Variants in TMEM178A observed in about 807,000 individuals in gnomAD.
TMEM178A encodes transmembrane protein 178A.
In TMEM178A, 12 loss-of-function variants were observed where a neutral mutation model predicts 29.1. The observed-to-expected ratio is 0.41, with a 90% CI of 0.26 to 0.67. The LOEUF (loss-of-function observed/expected upper bound fraction) is 0.67. TMEM178A is among the 30% of genes least tolerant of loss of function. TMEM178A has a pLI of 0.29. For synonymous variants in TMEM178A, 210 were observed against 187.2 expected (o/e 1.12, Z -0.99); for missense variants, 366 against 419.1 (o/e 0.87, Z 1.11).
chr2:39,723,650 G>T, the TMEM178A span, among the ~76,000 whole-genome samples: 1 of 152,178 alleles, frequency 6.6e-6, no homozygotes, highest in Admixed American at 6.5e-5. Flanking sequence ...GACTGTGTCA[G>T]GCTGTGTCCT....
At chr2:39,722,878 G>C (rs555769720), downstream of TMEM178A, among the ~76,000 whole-genome samples, 1 of 152,310 alleles carries the variant, frequency 6.6e-6, no homozygotes, top group Non-Finnish European at 1.5e-5. Context: ...TGGATGAACT[G>C]TACCCTCAAG....
At chr2:39,681,338 G>T (rs1482422783) in intron 1 of TMEM178A, among the ~76,000 whole-genome samples, 1 of 152,216 alleles carries the variant, frequency 6.6e-6, no homozygotes, top group Admixed American at 6.5e-5. Flanking sequence ...AAGAGCCACA[G>T]TGTGACTTCC....
intron 1 of TMEM178A, among the ~76,000 whole-genome samples, chr2:39,680,859 T>C (rs576465362): frequency 1.9e-4 from 29 of 152,324 alleles, no homozygotes; most frequent in African/African-American, 6.3e-4. Context: ...AAGTCTATAA[T>C]TGTGCTTCAT....
At chr2:39,724,580 TTA>T in the TMEM178A span, among the ~76,000 whole-genome samples, 1 of 152,224 alleles carries the variant, frequency 6.6e-6, no homozygotes, top group Admixed American at 6.5e-5. Flanking sequence ...AATTTTTTTA[TTA>T]TATCTCAAGG....
In TMEM178A at chr2:39,717,880, C is replaced by T. The variant is rs1672615993; in HGVS notation, c.*629C>T. On this transcript the variant is annotated 3_prime_UTR_variant, in exon 4 of 4. Coordinates refer to ENST00000281961, the MANE Select transcript of TMEM178A (RefSeq NM_152390.3). ...TTAAGAGCTAACTCGTGACACTATG[C>T]AGTATTGTTTGAAGACCTGTTGTTC... is the stretch of plus-strand genomic sequence containing the variant. 6.6e-6 allele frequency: 1 copy of T among 152,438 alleles called. No individual in the cohort carries two copies. The highest frequency in any genetic ancestry group is 6.6e-5 in the Admixed American group (1 of 15,258). The allele number at this position is 152,438 out of a possible 1,614,324, so 9.4% of individuals were successfully genotyped here.
At chr2:39,690,190 T>TA (rs1295851259) in intron 1 of TMEM178A, among the ~76,000 whole-genome samples, 1 of 151,524 alleles carries the variant, frequency 6.6e-6, no homozygotes, top group Non-Finnish European at 1.5e-5. Context: ...CAGATCCTGT[T>TA]AACTGACGGT....
chr2:39,675,861 C>T (rs1350537492), intron 1 of TMEM178A, among the ~76,000 whole-genome samples: 1 of 152,132 alleles, frequency 6.6e-6, no homozygotes, highest in Non-Finnish European at 1.5e-5. Context: ...TTTGCTGCAG[C>T]CCCAAACTCC....
the TMEM178A span, among the ~76,000 whole-genome samples, chr2:39,724,388 G>C: frequency 6.6e-6 from 1 of 152,070 alleles, no homozygotes; most frequent in Non-Finnish European, 1.5e-5. Context: ...GTGTGGCCCT[G>C]CAAGAATGCT....
chr2:39,705,614 C>T (rs1365639495), intron 2 of TMEM178A, among the ~76,000 whole-genome samples: 3 of 152,158 alleles, frequency 2.0e-5, no homozygotes, highest in African/African-American at 7.2e-5. Flanking sequence ...AATTTGGATG[C>T]TCTGAGTGGG....
chr2:39,667,092 G>A (rs1248604946), intron 1 of TMEM178A, among the ~76,000 whole-genome samples: 1 of 152,208 alleles, frequency 6.6e-6, no homozygotes, highest in Non-Finnish European at 1.5e-5. Context: ...CCTTCCTGAG[G>A]ACCCCATACC....
At chr2:39,683,349 G>A (rs1021597352) in intron 1 of TMEM178A, among the ~76,000 whole-genome samples, 1 of 152,110 alleles carries the variant, frequency 6.6e-6, no homozygotes, top group Non-Finnish European at 1.5e-5. Flanking sequence ...ATACCACTGG[G>A]TTTCTCTAAG....
At chr2:39,699,521 A>G (rs1230214908) in intron 1 of TMEM178A, among the ~76,000 whole-genome samples, 2 of 151,532 alleles carry the variant, frequency 1.3e-5, no homozygotes, top group Non-Finnish European at 2.9e-5. Flanking sequence ...CAGTGGTGCA[A>G]TCTCAGCTCA....
intron 1 of TMEM178A, among the ~76,000 whole-genome samples, chr2:39,685,994 G>C (rs575302736): frequency 6.6e-6 from 1 of 152,348 alleles, no homozygotes; most frequent in South Asian, 2.1e-4. Flanking sequence ...TCCAGAAGCA[G>C]GGAGCGCTGA....
At chr2:39,701,479 T>A (rs1257038919) in intron 1 of TMEM178A, among the ~76,000 whole-genome samples, 1 of 152,168 alleles carries the variant, frequency 6.6e-6, no homozygotes, top group African/African-American at 2.4e-5. Flanking sequence ...TTCAGGATTC[T>A]CTGTCTTTGG....
chr2:39,732,203 C>T, the TMEM178A span, among the ~76,000 whole-genome samples: 2 of 152,140 alleles, frequency 1.3e-5, no homozygotes, highest in African/African-American at 4.8e-5. Flanking sequence ...TGTCTTTCAC[C>T]CTGAGTGGGG....
At chr2:39,698,925 C>G (rs1472646896) in intron 1 of TMEM178A, among the ~76,000 whole-genome samples, 1 of 151,648 alleles carries the variant, frequency 6.6e-6, no homozygotes, top group African/African-American at 2.4e-5. Flanking sequence ...GCCATTTTAT[C>G]TGTTTTATCT....
chr2:39,689,104 A>G (rs144738957), intron 1 of TMEM178A, among the ~76,000 whole-genome samples: 1 of 152,220 alleles, frequency 6.6e-6, no homozygotes, highest in Non-Finnish European at 1.5e-5. Flanking sequence ...GTTCATTTTC[A>G]TAAAGGAAAC....
At position 39,717,781 on chromosome 2, in the gene TMEM178A, G is replaced by GTT. The variant is rs34580359; in HGVS notation, c.*542_*543dup. On this transcript the variant is annotated 3_prime_UTR_variant, in exon 4 of 4. Transcript: ENST00000281961. ...AAGATTCTTCTTCTGTTGCCTTATT[G>GTT]TTTTTTTTTTTTTAAGTCTCTTCTC... The GTT allele has an allele frequency of 4.3e-5, 6 of 140,716 alleles. No homozygotes were observed. The highest frequency in any genetic ancestry group is 1.0e-4 in the African/African-American group (4 of 38,344). The allele number at this position is 140,716 out of a possible 1,614,324, so 8.7% of individuals were successfully genotyped here.
At chr2:39,673,501 C>G (rs192170784) in intron 1 of TMEM178A, among the ~76,000 whole-genome samples, 1 of 152,132 alleles carries the variant, frequency 6.6e-6, no homozygotes, top group Non-Finnish European at 1.5e-5. Flanking sequence ...CTCATTTTTC[C>G]CCTAAGAACC....
Sources: allele counts gnomAD v4.1 joint callset (sites outside exome capture counted in the v4.1 genomes callset), GRCh38; gene constraint gnomAD v4.1.1; transcripts MANE v1.5; gene names NCBI Gene and HGNC (gene_info 2026-07-23, HGNC 2026-07-21).